The following SETD5 variants were observed in gnomAD, a reference collection of about 807,000 sequenced individuals.
The protein encoded by SETD5 is SET domain containing 5.
SETD5 carries 44 observed loss-of-function variants against 153.3 expected under a neutral mutation model. That is an observed-to-expected ratio of 0.29 (90% CI 0.23 to 0.37). SETD5 has a LOEUF of 0.37. SETD5 is among the 10% of genes least tolerant of loss of function. The pLI is 1.00. For synonymous variants in SETD5, 716 were observed against 645.2 expected, an observed-to-expected ratio of 1.11 and a Z score of -1.66; for missense variants, 1,544 against 1,768.0, an observed-to-expected ratio of 0.87 and a Z score of 2.27.
At chr3:9,433,132 T>C (rs2125084050) in intron 3 of SETD5, among the ~76,000 whole-genome samples, 1 of 152,372 alleles carries the variant, frequency 6.6e-6, no homozygotes, top group South Asian at 2.1e-4. Flanking sequence ...TTCACAATGG[T>C]AGCCATTACT....
At chr3:9,468,000 T>C (rs765844756) in intron 18 of SETD5, among the ~76,000 whole-genome samples, 2 of 151,362 alleles carry the variant, frequency 1.3e-5, no homozygotes, top group Non-Finnish European at 2.9e-5. Context: ...GAACTGGCCA[T>C]CTCCCTAACC....
At position 9,470,551 on chromosome 3, in the gene SETD5, A is replaced by G; in HGVS notation, c.2817A>G (p.Ser939=). 1 of 1,613,994 alleles carries G rather than the reference A, an allele frequency of 6.2e-7. No homozygotes were observed. Among genetic ancestry groups the G allele is most frequent in the Non-Finnish European group, 8.5e-7 (1 of 1,179,880 alleles). The change falls in exon 19 of 23, where the codon TCA becomes TCG. Residue 939 remains serine (S), a synonymous_variant. Transcript: ENST00000402198. ...SCADRPSLLN[S]GHSDLAPHPS... The stretch of plus-strand genomic sequence containing the variant: ...CTGATAGACCTTCCCTACTCAACTC[A>G]GGTCATTCTGACCTGGCTCCTCATC...
In SETD5 at chr3:9,433,938, A is replaced by T. The variant is rs753520075; in HGVS notation, c.165A>T (p.Gly55=). 1 of 1,613,940 alleles carries T rather than the reference A, an allele frequency of 6.2e-7. No individual in the cohort carries two copies. Among genetic ancestry groups the T allele is most frequent in the Non-Finnish European group, 8.5e-7 (1 of 1,179,838 alleles). The change falls in exon 4 of 23, where the codon GGA becomes GGT. Residue 55 remains glycine, a synonymous_variant. Transcript: ENST00000402198. ...CCACTCAGAGGCATGGGTGTCGAGG[A>T]CTGCCTTATGCTGTGAGTATGCATT... ...YGTTQRHGCR[G]LPYATIIPRS...
At chr3:9,443,580 G>A (rs892636883) in intron 11 of SETD5, among the ~76,000 whole-genome samples, 163 bp downstream of exon 11, 1 of 152,176 alleles carries the variant, frequency 6.6e-6, no homozygotes, top group African/African-American at 2.4e-5. Context: ...GAAAAGACAG[G>A]CAAGATTTTT....
intron 18 of SETD5, among the ~76,000 whole-genome samples, chr3:9,469,587 TA>T (rs1379508030): frequency 6.6e-6 from 1 of 152,226 alleles, no homozygotes; most frequent in Non-Finnish European, 1.5e-5. Context: ...GTTAGGAAAG[TA>T]AAGCTCTCTC....
intron 1 of SETD5, among the ~76,000 whole-genome samples, chr3:9,420,685 C>T (rs557832635): frequency 6.6e-6 from 1 of 152,308 alleles, no homozygotes; most frequent in South Asian, 2.1e-4. Flanking sequence ...TCTTTGCTTG[C>T]ATTAACTTGC....
At position 9,441,721 on chromosome 3, in the gene SETD5, C is replaced by T; in HGVS notation, c.939C>T (p.Val313=). The change falls in exon 9 of 23, where the codon GTC becomes GTT. Residue 313 remains valine, a synonymous_variant. Coordinates refer to ENST00000402198, the MANE Select transcript of SETD5 (RefSeq NM_001080517.3). ...GKVMLRQQFE[V]NGHFFKKPYP... Reference sequence around the variant, plus strand: ...TCATGTTACGACAGCAATTTGAGGTCAATGGGCATTTCTTCAAAAAGTAAG... The same window carrying T: ...TCATGTTACGACAGCAATTTGAGGTTAATGGGCATTTCTTCAAAAAGTAAG... The T allele has an allele frequency of 6.2e-7, 1 of 1,613,940 alleles. No homozygotes were observed. Among genetic ancestry groups the T allele is most frequent in the Non-Finnish European group, 8.5e-7 (1 of 1,179,864 alleles).
Position 9,448,761 on chromosome 3 carries a change from A to G in SETD5, c.2346+131A>G, listed in dbSNP as rs145249373. Reference sequence around the variant, plus strand: ...GCCACTCTGCCCATGTGAGTTTATAATGAGTTAGTTGTTCAGCCATAAATA... The same window carrying G: ...GCCACTCTGCCCATGTGAGTTTATAGTGAGTTAGTTGTTCAGCCATAAATA... On this transcript the variant is annotated intron_variant, in intron 16 of 22. Coordinates refer to ENST00000402198, the MANE Select transcript of SETD5 (RefSeq NM_001080517.3). 4,926 of 868,554 alleles carry G rather than the reference A, an allele frequency of 5.7e-3. 25 individuals are homozygous for G. The highest frequency in any genetic ancestry group is 7.2e-3 in the Non-Finnish European group (4,271 of 590,116). 53.8% of individuals were successfully genotyped at this position (868,554 alleles called of 1,614,324 possible).
In SETD5 at chr3:9,430,216, T is replaced by C. The variant is rs150491265; in HGVS notation, c.71+1207T>C. The C allele has an allele frequency of 6.8e-4, 665 of 984,920 alleles. 18 individuals are homozygous for C. The East Asian group carries it at 0.047, about 70-fold the overall frequency. 61.0% of individuals were successfully genotyped at this position (984,920 alleles called of 1,614,324 possible). ...TAAAACAGAATATTATTAAAGAGCATGTATATTTCTTCATAAAGCCACCTA... is the reference window on the plus strand; with the variant it reads ...TAAAACAGAATATTATTAAAGAGCACGTATATTTCTTCATAAAGCCACCTA... On this transcript the variant is annotated intron_variant, in intron 3 of 22. Transcript: ENST00000402198.
intron 6 of SETD5, 54 bp from the exon 7 acceptor site, chr3:9,435,674 T>C (rs1306207293): frequency 2.1e-6 from 3 of 1,451,130 alleles, no homozygotes; most frequent in African/African-American, 1.4e-5. Context: ...TAAGCTACTT[T>C]TAATGTACTT....
chr3:9,406,987 A>T (rs2035801892), intron 1 of SETD5, among the ~76,000 whole-genome samples: 1 of 152,226 alleles, frequency 6.6e-6, no homozygotes, highest in Admixed American at 6.5e-5. Flanking sequence ...TTTAGTGTTA[A>T]TCCAAAAATA....
At position 9,416,980 on chromosome 3, in the gene SETD5, A is replaced by C. The variant is rs183334650; in HGVS notation, c.-176-7487A>C. Reference sequence around the variant, plus strand: ...TAAAAAATAAAAGCATGAATAGTGTAAACAAAGTTTTGAAGGAGAAGGAAA... The same window carrying C: ...TAAAAAATAAAAGCATGAATAGTGTCAACAAAGTTTTGAAGGAGAAGGAAA... On this transcript the variant is annotated intron_variant, in intron 1 of 22. Coordinates refer to ENST00000402198, the MANE Select transcript of SETD5 (RefSeq NM_001080517.3). Among the ~76,000 whole-genome samples the C allele has an allele frequency of 3.3e-5, 5 of 152,264 alleles. No individual in the cohort carries two copies. The East Asian group carries it at 9.6e-4, about 29-fold the overall frequency.
At chr3:9,408,934 A>C (rs2036139620) in intron 1 of SETD5, among the ~76,000 whole-genome samples, 1 of 152,226 alleles carries the variant, frequency 6.6e-6, no homozygotes, top group South Asian at 2.1e-4. Flanking sequence ...TTTAATAAAA[A>C]TAACATTTTT....
At chr3:9,441,419 C>G (rs1274678129) in intron 8 of SETD5, among the ~76,000 whole-genome samples, 174 bp from the exon 9 acceptor site, 1 of 148,240 alleles carries the variant, frequency 6.7e-6, no homozygotes, top group African/African-American at 2.5e-5. Flanking sequence ...TGTAGCATGT[C>G]TCTTAGAAAA....
chr3:9,454,634 A>C (rs1024987478), intron 17 of SETD5, among the ~76,000 whole-genome samples: 1 of 136,680 alleles, frequency 7.3e-6, no homozygotes, highest in Admixed American at 7.2e-5. Flanking sequence ...AAAAAAAAAA[A>C]AAAAAAAAAA....
chr3:9,470,652 C>T lies in SETD5; in HGVS notation c.2918C>T (p.Ser973Leu). 1 of 1,614,012 alleles carries T rather than the reference C, an allele frequency of 6.2e-7. No homozygotes were observed. Among genetic ancestry groups the T allele is most frequent in the Non-Finnish European group, 8.5e-7 (1 of 1,179,892 alleles). ...GGACATCAGACCCTCGTGAGAAACT[C>T]AGACCAGGCATTTCGGACAGAGTTC... is the stretch of plus-strand genomic sequence containing the variant. ...GDGHQTLVRN[S>L]DQAFRTEFNL... The change falls in exon 19 of 23, where the codon TCA becomes TTA. Residue 973 changes from serine to leucine, a missense_variant. Physicochemically the swap from Ser to Leu is moderately radical, Grantham distance 145. Transcript: ENST00000402198.
intron 17 of SETD5, among the ~76,000 whole-genome samples, chr3:9,458,606 C>A (rs111424853): frequency 3.2e-4 from 49 of 152,184 alleles, no homozygotes; most frequent in African/African-American, 1.2e-3. Flanking sequence ...AGACATCTGT[C>A]TCTAAAAATA....
chr3:9,408,028 T>C (rs1220854618), intron 1 of SETD5, among the ~76,000 whole-genome samples: 2 of 151,940 alleles, frequency 1.3e-5, no homozygotes, highest in Admixed American at 6.5e-5. Flanking sequence ...CTTGTGTAGA[T>C]AGTGACCACG....
intron 1 of SETD5, among the ~76,000 whole-genome samples, chr3:9,405,642 G>A (rs772400738): frequency 1.3e-5 from 2 of 152,160 alleles, no homozygotes; most frequent in Non-Finnish European, 2.9e-5. Flanking sequence ...GCTGAATGTA[G>A]TAAGATGATT....
Sources: gnomAD v4.1 joint callset for allele counts (sites outside exome capture counted in the v4.1 genomes callset) on GRCh38, gnomAD v4.1.1 for gene constraint, MANE v1.5 for transcripts, NCBI Gene and HGNC (gene_info 2026-07-23, HGNC 2026-07-21) for gene names.